ARHGAP15: variants seen among roughly 807,000 people sequenced by gnomAD.
ARHGAP15 encodes the protein rho GTPase-activating protein 15.
ARHGAP15 carries 51 observed loss-of-function variants against 63.7 expected under a neutral mutation model. The observed-to-expected ratio is 0.80, with a 90% CI of 0.64 to 1.01. ARHGAP15 has a LOEUF of 1.01. ARHGAP15 is among the 50% of genes least tolerant of loss of function. The pLI, the probability that ARHGAP15 is intolerant of heterozygous loss-of-function variation, is 0.00. For synonymous variants in ARHGAP15, 191 were observed against 193.8 expected, an observed-to-expected ratio of 0.99 and a Z score of 0.12; for missense variants, 560 against 564.6, an observed-to-expected ratio of 0.99 and a Z score of 0.08.
intron 6 of ARHGAP15, among the ~76,000 whole-genome samples, chr2:143,432,373 A>G (rs528699432): frequency 3.9e-5 from 6 of 152,190 alleles, no homozygotes; most frequent in South Asian, 2.1e-4. Flanking sequence ...AAAGAACAAT[A>G]CTTAAATCAA....
At chr2:143,411,310 G>A (rs1294003636) in intron 6 of ARHGAP15, among the ~76,000 whole-genome samples, 1 of 152,094 alleles carries the variant, frequency 6.6e-6, no homozygotes, top group Non-Finnish European at 1.5e-5. Flanking sequence ...AGGAACCATG[G>A]CCTTTAGTTC....
intron 12 of ARHGAP15, among the ~76,000 whole-genome samples, chr2:143,642,933 A>G (rs541658186): frequency 1.3e-4 from 20 of 152,268 alleles, no homozygotes; most frequent in African/African-American, 4.6e-4. Context: ...GAGAGCAGAT[A>G]CAGTTAATCC....
chr2:143,443,353 CA>C (rs1254188186), intron 8 of ARHGAP15, among the ~76,000 whole-genome samples: 5 of 151,560 alleles, frequency 3.3e-5, no homozygotes, highest in Non-Finnish European at 5.9e-5. Context: ...AAAGTCGTGA[CA>C]TTTTTGTAGA....
chr2:143,551,119 T>G (rs890066216), intron 10 of ARHGAP15, among the ~76,000 whole-genome samples: 4 of 152,140 alleles, frequency 2.6e-5, no homozygotes, highest in Non-Finnish European at 5.9e-5. Flanking sequence ...TAAACAGAAA[T>G]ATGACATATT....
At chr2:143,633,368 ACCTCCATCT>A (rs1478761305) in intron 12 of ARHGAP15, among the ~76,000 whole-genome samples, 1 of 152,088 alleles carries the variant, frequency 6.6e-6, no homozygotes, top group East Asian at 1.9e-4. Flanking sequence ...AAACAACTGG[ACCTCCATCT>A]CCTTAATTTG....
At chr2:143,293,802 T>A (rs991986687) in intron 6 of ARHGAP15, among the ~76,000 whole-genome samples, 1 of 152,088 alleles carries the variant, frequency 6.6e-6, no homozygotes, top group Non-Finnish European at 1.5e-5. Flanking sequence ...GATATTCATA[T>A]TCAAATCCAA....
At chr2:143,483,366 T>C (rs1030014473) in intron 8 of ARHGAP15, among the ~76,000 whole-genome samples, 2 of 152,236 alleles carry the variant, frequency 1.3e-5, no homozygotes, top group East Asian at 3.8e-4. Context: ...TCGTTTTTAC[T>C]AGTTCCAAAT....
intron 3 of ARHGAP15, among the ~76,000 whole-genome samples, chr2:143,214,271 A>C (rs1692667759): frequency 6.6e-6 from 1 of 152,192 alleles, no homozygotes; most frequent in Non-Finnish European, 1.5e-5. Context: ...AATCAGAAGA[A>C]AACTTAAATA....
intron 13 of ARHGAP15, among the ~76,000 whole-genome samples, chr2:143,746,545 AG>A (rs1423507962): frequency 6.6e-6 from 1 of 152,198 alleles, no homozygotes; most frequent in Non-Finnish European, 1.5e-5. Flanking sequence ...GGTGAGAAAA[AG>A]CTTAATCTGT....
chr2:143,735,566 ATTC>A (rs952628405), intron 13 of ARHGAP15, among the ~76,000 whole-genome samples: 5 of 152,184 alleles, frequency 3.3e-5, no homozygotes, highest in African/African-American at 9.6e-5. Context: ...TCAAAAAATT[ATTC>A]TTCTTGTCCT....
intron 11 of ARHGAP15, among the ~76,000 whole-genome samples, chr2:143,622,417 CG>C (rs1428494403): frequency 2.0e-5 from 3 of 152,010 alleles, no homozygotes; most frequent in Non-Finnish European, 4.4e-5. Flanking sequence ...GTGAAAACCC[CG>C]TTCTTTAAAG....
intron 5 of ARHGAP15, among the ~76,000 whole-genome samples, chr2:143,234,483 A>G (rs991159820): frequency 1.3e-5 from 2 of 152,134 alleles, no homozygotes; most frequent in African/African-American, 4.8e-5. Context: ...TTTTCTCAGG[A>G]GGTTTGGGAC....
At chr2:143,679,258 G>C (rs191650235) in intron 12 of ARHGAP15, among the ~76,000 whole-genome samples, 15 of 152,292 alleles carry the variant, frequency 9.8e-5, no homozygotes, top group Admixed American at 5.9e-4. Flanking sequence ...TTAAAGTTCA[G>C]AGTAAATTGG....
At chr2:143,246,599 C>A (rs1694053820) in intron 5 of ARHGAP15, among the ~76,000 whole-genome samples, 2 of 151,822 alleles carry the variant, frequency 1.3e-5, no homozygotes, top group South Asian at 4.2e-4. Flanking sequence ...AGTTATTTCT[C>A]CAGTATTCGG....
intron 12 of ARHGAP15, among the ~76,000 whole-genome samples, chr2:143,677,174 A>C (rs930784686): frequency 1.3e-5 from 2 of 152,230 alleles, no homozygotes; most frequent in Admixed American, 1.3e-4. Context: ...GTGCCAGTTA[A>C]TTAGGCTTAA....
chr2:143,333,938 G>C (rs1684659986), intron 6 of ARHGAP15, among the ~76,000 whole-genome samples: 1 of 152,160 alleles, frequency 6.6e-6, no homozygotes, highest in African/African-American at 2.4e-5. Context: ...TTACTTGCAA[G>C]AGGGAAAGAA....
intron 12 of ARHGAP15, among the ~76,000 whole-genome samples, chr2:143,634,293 G>A: frequency 6.6e-6 from 1 of 152,026 alleles, no homozygotes; most frequent in Non-Finnish European, 1.5e-5. Context: ...CATCAGCTAA[G>A]CTAAAGTTTC....
intron 2 of ARHGAP15, among the ~76,000 whole-genome samples, chr2:143,186,386 G>A (rs1309789018): frequency 6.6e-6 from 1 of 151,868 alleles, no homozygotes; most frequent in Non-Finnish European, 1.5e-5. Flanking sequence ...CTTGTTCTTG[G>A]GGGGAAAAGA....
intron 8 of ARHGAP15, among the ~76,000 whole-genome samples, chr2:143,441,887 C>T (rs1049285934): frequency 1.3e-5 from 2 of 152,138 alleles, no homozygotes; most frequent in Non-Finnish European, 1.5e-5. Flanking sequence ...CCCAAATCTA[C>T]GTTCTCTTAA....
Sources: gnomAD v4.1 joint callset for allele counts (sites outside exome capture counted in the v4.1 genomes callset) on GRCh38, gnomAD v4.1.1 for gene constraint, MANE v1.5 for transcripts, NCBI Gene and HGNC (gene_info 2026-07-23, HGNC 2026-07-21) for gene names.